DIAPH2: variants seen among roughly 807,000 people sequenced by gnomAD.
The protein encoded by DIAPH2 is diaphanous related formin 2, also known as protein diaphanous homolog 2.
In DIAPH2, 35 loss-of-function variants were observed where a neutral mutation model predicts 92.7. The ratio of observed to expected loss-of-function variants is 0.38; its 90% CI spans 0.29 to 0.50. The LOEUF (loss-of-function observed/expected upper bound fraction) is 0.50. DIAPH2 is among the 20% of genes least tolerant of loss of function. The pLI, the probability that DIAPH2 is intolerant of heterozygous loss-of-function variation, is 0.94. For synonymous variants in DIAPH2, 301 were observed against 280.4 expected (o/e 1.07, Z -0.73); for missense variants, 701 against 819.5 (o/e 0.86, Z 1.77).
At chrX:97,517,612 C>T (rs1042060275) in intron 26 of DIAPH2, among the ~76,000 whole-genome samples, 2 of 112,184 alleles carry the variant, frequency 1.8e-5, no homozygotes, top group Non-Finnish European at 3.8e-5. Flanking sequence ...ACTTGTATTA[C>T]TAATAAAAAT....
At chrX:96,989,937 T>C (rs1390817135) in intron 17 of DIAPH2, among the ~76,000 whole-genome samples, 4 of 111,946 alleles carry the variant, frequency 3.6e-5, no homozygotes, top group African/African-American at 1.3e-4. Context: ...ATGTAGAGAG[T>C]CATGCATATG....
intron 17 of DIAPH2, among the ~76,000 whole-genome samples, chrX:97,061,414 A>T (rs1281245530): frequency 9.8e-5 from 11 of 111,792 alleles, no homozygotes; most frequent in Admixed American, 1.9e-4. Flanking sequence ...TTGAATAAAA[A>T]TTTTTTTCAC....
Position 97,249,132 on chromosome X carries a change from G to T in DIAPH2, c.2844+1293G>T, listed in dbSNP as rs1023794302. Among the ~76,000 whole-genome samples the T allele has an allele frequency of 2.9e-5, 3 of 105,139 alleles. No individual in the cohort carries two copies. In the Admixed American group the frequency reaches 3.1e-4, roughly 11 times the overall value. The allele number at this position is 105,139 out of a possible 115,157, so 91.3% of individuals were successfully genotyped here. A position where few individuals can be genotyped will look rare whatever the true frequency, so the allele number is the denominator to read the frequency against. On this transcript the variant is annotated intron_variant, in intron 23 of 26. Coordinates refer to ENST00000324765, the MANE Select transcript of DIAPH2 (RefSeq NM_006729.5). ...AACACCACCTCCTTTTTCACCTTTT[G>T]ATTTTGGTTCTTGCCTCATATATTT...
At chrX:97,300,362 A>G (rs1800708068) in intron 23 of DIAPH2, among the ~76,000 whole-genome samples, 1 of 111,800 alleles carries the variant, frequency 8.9e-6, no homozygotes, top group Non-Finnish European at 1.9e-5. Context: ...TCTTGTGAGA[A>G]TAAATTAAAG....
At chrX:97,580,225 G>C (rs1299073515) in intron 26 of DIAPH2, among the ~76,000 whole-genome samples, 4 of 96,429 alleles carry the variant, frequency 4.1e-5, no homozygotes, top group African/African-American at 1.5e-4. Flanking sequence ...AGTGGTGAGA[G>C]AGGGCATCCC....
intron 23 of DIAPH2, among the ~76,000 whole-genome samples, chrX:97,259,470 G>A (rs145263536): frequency 8.9e-6 from 1 of 112,111 alleles, no homozygotes; most frequent in African/African-American, 3.2e-5. Context: ...AACAGTATTT[G>A]GTGGGTTATA....
intron 17 of DIAPH2, among the ~76,000 whole-genome samples, chrX:97,022,890 C>T (rs1444014651): frequency 9.0e-6 from 1 of 110,861 alleles, no homozygotes; most frequent in African/African-American, 3.3e-5. Flanking sequence ...CCCATCTCTA[C>T]AAAAACTTTA....
intron 26 of DIAPH2, among the ~76,000 whole-genome samples, chrX:97,568,051 G>A (rs2071339244): frequency 1.1e-5 from 1 of 94,600 alleles, no homozygotes; most frequent in Non-Finnish European, 2.0e-5. Context: ...GGGAGGCGGA[G>A]GTTGCAATGA....
rs143378717 is a variant in DIAPH2 at position 97,253,887 on chromosome X, T to A, written c.2844+6048T>A. On this transcript the variant is annotated intron_variant, in intron 23 of 26. Transcript: ENST00000324765. ...CAACTATTGCAATAGGAGAGAGACC[T>A]TACTATACAACGAGGCTGCATTCTG... Among the ~76,000 whole-genome samples, 26 of 112,283 alleles carry A rather than the reference T, an allele frequency of 2.3e-4. No individual in the cohort carries two copies. The East Asian group carries it at 7.0e-3, about 30-fold the overall frequency.
At chrX:97,440,375 T>A (rs2070241298) in intron 26 of DIAPH2, among the ~76,000 whole-genome samples, 1 of 110,600 alleles carries the variant, frequency 9.0e-6, no homozygotes, top group African/African-American at 3.3e-5. Context: ...GCAGATCACC[T>A]GAGGTCAGGA....
At chrX:97,059,043 AG>A (rs748868734) in intron 17 of DIAPH2, among the ~76,000 whole-genome samples, 6 of 112,233 alleles carry the variant, frequency 5.3e-5, no homozygotes, top group Admixed American at 3.8e-4. Flanking sequence ...AAGGTTTGAC[AG>A]CAAAAATGTG....
intron 22 of DIAPH2, among the ~76,000 whole-genome samples, chrX:97,224,318 A>G (rs1227746368): frequency 9.0e-6 from 1 of 111,600 alleles, no homozygotes; most frequent in Non-Finnish European, 1.9e-5. Context: ...TAAGGAGGGG[A>G]TTATGGTCAT....
chrX:97,420,190 T>C (rs1219459402), intron 25 of DIAPH2, among the ~76,000 whole-genome samples: 1 of 111,832 alleles, frequency 8.9e-6, no homozygotes, highest in East Asian at 2.8e-4. Flanking sequence ...CTCTCTCACC[T>C]TATGCAAAGT....
intron 4 of DIAPH2, among the ~76,000 whole-genome samples, chrX:96,777,363 G>T (rs746855786): frequency 1.8e-5 from 2 of 111,683 alleles, no homozygotes; most frequent in African/African-American, 6.5e-5. Flanking sequence ...AGTTTTCTCA[G>T]ATTAGTAATT....
chrX:97,192,303 AAAAAAAAAAAAG>A (rs1271391554), intron 22 of DIAPH2, among the ~76,000 whole-genome samples: 6 of 107,607 alleles, frequency 5.6e-5, no homozygotes, highest in African/African-American at 2.1e-4. Flanking sequence ...CAAAAAAAAA[AAAAAAAAAAAAG>A]AAAAGAAAAG....
intron 23 of DIAPH2, among the ~76,000 whole-genome samples, chrX:97,277,444 C>T (rs1220479865): frequency 8.9e-6 from 1 of 111,860 alleles, no homozygotes; most frequent in Non-Finnish European, 1.9e-5. Context: ...AAGCTCACCC[C>T]TAGAAGAAAA....
intron 25 of DIAPH2, among the ~76,000 whole-genome samples, chrX:97,421,026 T>G (rs2070003099): frequency 8.9e-6 from 1 of 112,201 alleles, no homozygotes; most frequent in African/African-American, 3.2e-5. Context: ...TTCACTCACT[T>G]CCAATTAAAC....
intron 22 of DIAPH2, among the ~76,000 whole-genome samples, chrX:97,240,485 A>C (rs1388381201): frequency 9.1e-6 from 1 of 109,841 alleles, no homozygotes; most frequent in East Asian, 2.9e-4. Flanking sequence ...GGGCGCCTGT[A>C]GTCCCAGCTA....
rs189935934 is a variant in DIAPH2, at chrX:97,518,572, A to G, written c.3242-80681A>G. Reference sequence around the variant, plus strand: ...TGTGTGTGTATATATATATGTGTGTATATATATATATAGTTTTTTCCATCT... The same window carrying G: ...TGTGTGTGTATATATATATGTGTGTGTATATATATATAGTTTTTTCCATCT... On this transcript the variant is annotated intron_variant, in intron 26 of 26. Transcript: ENST00000324765. 5.2e-3 allele frequency among the ~76,000 whole-genome samples: 572 copies of G among 109,040 alleles called. 9 individuals carry two copies. Among genetic ancestry groups the G allele is most frequent in the African/African-American group, 0.018 (536 of 30,024 alleles). 94.7% of individuals were successfully genotyped at this position (109,040 alleles called of 115,157 possible).
Sources: allele counts gnomAD v4.1 joint callset (sites outside exome capture counted in the v4.1 genomes callset), GRCh38; gene constraint gnomAD v4.1.1; transcripts MANE v1.5; gene names NCBI Gene and HGNC (gene_info 2026-07-23, HGNC 2026-07-21).